The following MOSMO variants were observed in gnomAD, a reference collection of about 807,000 sequenced individuals.
The protein encoded by MOSMO is modulator of smoothened protein.
Under a neutral mutation model 18.4 loss-of-function variants are expected in MOSMO, and 5 were observed. That is an observed-to-expected ratio of 0.27 (90% CI 0.14 to 0.57). MOSMO has a LOEUF of 0.57. Ranked by LOEUF, MOSMO falls within the 20% of genes least tolerant of loss-of-function variation. The pLI, the probability that MOSMO is intolerant of heterozygous loss-of-function variation, is 0.92. For missense variants in MOSMO, 138 were observed against 211.8 expected, an observed-to-expected ratio of 0.65 and a Z score of 2.16; for synonymous variants, 82 against 82.3, an observed-to-expected ratio of 1.00 and a Z score of 0.02.
intron 1 of MOSMO, among the ~76,000 whole-genome samples, chr16:22,025,473 C>G (rs180832293): frequency 3.3e-5 from 5 of 152,188 alleles, no homozygotes; most frequent in Admixed American, 2.6e-4. Context: ...CAGTGTTTAC[C>G]TCATATGAAT....
intron 1 of MOSMO, among the ~76,000 whole-genome samples, chr16:22,054,927 A>G (rs2141751691): frequency 6.6e-6 from 1 of 152,122 alleles, no homozygotes; most frequent in East Asian, 1.9e-4. Context: ...TTATCTCCAT[A>G]AAGTGTTTAA....
intron 1 of MOSMO, among the ~76,000 whole-genome samples, chr16:22,048,543 A>T (rs139461687): frequency 6.6e-6 from 1 of 152,158 alleles, no homozygotes; most frequent in Non-Finnish European, 1.5e-5. Context: ...GCATTTCTTT[A>T]TTAAGTTGAA....
chr16:22,070,912 T>G (rs1305167673), intron 1 of MOSMO, among the ~76,000 whole-genome samples: 1 of 152,164 alleles, frequency 6.6e-6, no homozygotes, highest in Non-Finnish European at 1.5e-5. Flanking sequence ...TTCCCCTTCC[T>G]GCTCCCCATC....
intron 1 of MOSMO, among the ~76,000 whole-genome samples, chr16:22,035,518 C>G (rs1900090850): frequency 6.6e-6 from 1 of 151,790 alleles, no homozygotes. Flanking sequence ...TTTTAACTCT[C>G]AGATTTAATC....
intron 2 of MOSMO, among the ~76,000 whole-genome samples, chr16:22,078,667 T>C (rs1901020180): frequency 6.6e-6 from 1 of 152,188 alleles, no homozygotes; most frequent in Admixed American, 6.5e-5. Context: ...TAGTCAACAT[T>C]AAGAAAAAAA....
At chr16:22,080,421 T>C (rs1901056150) in intron 2 of MOSMO, among the ~76,000 whole-genome samples, 1 of 152,186 alleles carries the variant, frequency 6.6e-6, no homozygotes, top group Admixed American at 6.5e-5. Context: ...AGGAATCGTA[T>C]TTGTGAGGAT....
intron 1 of MOSMO, among the ~76,000 whole-genome samples, chr16:22,056,061 G>A (rs1204301611): frequency 6.6e-6 from 1 of 152,106 alleles, no homozygotes; most frequent in Non-Finnish European, 1.5e-5. Flanking sequence ...AAACCTAAAG[G>A]GACTAATATG....
At chr16:22,028,910 T>C (rs1480840252) in intron 1 of MOSMO, among the ~76,000 whole-genome samples, 1 of 152,216 alleles carries the variant, frequency 6.6e-6, no homozygotes, top group Non-Finnish European at 1.5e-5. Context: ...TTGCTCTTGT[T>C]GCCCAGGCTG....
At position 22,081,096 on chromosome 16, in the gene MOSMO, A is replaced by G. The variant is rs188959907; in HGVS notation, c.*216A>G. On this transcript the variant is annotated 3_prime_UTR_variant, in exon 3 of 3. Coordinates refer to ENST00000542527, the MANE Select transcript of MOSMO (RefSeq NM_001164579.2). ...AAAAAAAAAAAGGAGAGCCTTTTCC[A>G]TAACCAAATACAGACAATATTGACT... The G allele has an allele frequency of 7.9e-6, 2 of 253,786 alleles. No homozygotes were observed. Among genetic ancestry groups the G allele is most frequent in the East Asian group, 6.3e-5 (1 of 15,898 alleles). 15.7% of individuals were successfully genotyped at this position (253,786 alleles called of 1,614,324 possible).
chr16:22,038,913 G>A (rs1900159356), intron 1 of MOSMO, among the ~76,000 whole-genome samples: 1 of 152,164 alleles, frequency 6.6e-6, no homozygotes, highest in Admixed American at 6.5e-5. Context: ...GCAATGACAT[G>A]GGAGAAAGCA....
chr16:22,072,673 G>A (rs1900880013), intron 1 of MOSMO, among the ~76,000 whole-genome samples: 1 of 152,080 alleles, frequency 6.6e-6, no homozygotes, highest in South Asian at 2.1e-4. Flanking sequence ...TTAGCCGGGC[G>A]TAGTCGTGGG....
At chr16:22,041,920 G>C (rs1350176755) in intron 1 of MOSMO, among the ~76,000 whole-genome samples, 1 of 151,954 alleles carries the variant, frequency 6.6e-6, no homozygotes, top group Non-Finnish European at 1.5e-5. Flanking sequence ...TCCTGGCCTC[G>C]AGCGATCCTC....
intron 1 of MOSMO, among the ~76,000 whole-genome samples, chr16:22,039,418 C>G (rs1458206304): frequency 6.6e-6 from 1 of 152,140 alleles, no homozygotes; most frequent in Non-Finnish European, 1.5e-5. Flanking sequence ...CCTGATACAG[C>G]CTTTAACAAC....
At chr16:22,016,669 G>C (rs1466696989) in intron 1 of MOSMO, among the ~76,000 whole-genome samples, 1 of 152,182 alleles carries the variant, frequency 6.6e-6, no homozygotes, top group African/African-American at 2.4e-5. Flanking sequence ...CACGGGCTTT[G>C]GGGCAAACCA....
At chr16:22,086,338 C>T (rs987727633), downstream of MOSMO, 14 of 152,068 alleles carry the variant, frequency 9.2e-5, no homozygotes, top group Non-Finnish European at 5.9e-5. Context: ...AGTCATTTCC[C>T]ACCTCTCTCT....
At chr16:22,010,042 GTAT>G (rs1899491883) in intron 1 of MOSMO, among the ~76,000 whole-genome samples, 1 of 151,974 alleles carries the variant, frequency 6.6e-6, no homozygotes, top group Admixed American at 6.6e-5. Flanking sequence ...TAATTTTTAA[GTAT>G]TACTTATGGT....
chr16:22,023,730 C>T (rs1001060479), intron 1 of MOSMO, among the ~76,000 whole-genome samples: 4 of 152,018 alleles, frequency 2.6e-5, no homozygotes, highest in Admixed American at 1.3e-4. Context: ...GGTCAGTTTC[C>T]ATTGTCTTTA....
chr16:22,058,200 G>T (rs924119768), intron 1 of MOSMO, among the ~76,000 whole-genome samples: 1 of 152,072 alleles, frequency 6.6e-6, no homozygotes, highest in African/African-American at 2.4e-5. Context: ...GGCCAAGGCG[G>T]GTAGATCACA....
intron 1 of MOSMO, among the ~76,000 whole-genome samples, chr16:22,034,744 G>GTTTTTTTTT (rs890874059): frequency 1.8e-5 from 1 of 55,456 alleles, no homozygotes; most frequent in Non-Finnish European, 3.2e-5. Flanking sequence ...GTTTTTTTGG[G>GTTTTTTTTT]TTTTTTTTTT....
Sources: allele counts gnomAD v4.1 joint callset (sites outside exome capture counted in the v4.1 genomes callset), GRCh38; gene constraint gnomAD v4.1.1; transcripts MANE v1.5; gene names NCBI Gene and HGNC (gene_info 2026-07-23, HGNC 2026-07-21).